The following ZBTB20 variants were observed in gnomAD, a reference collection of about 807,000 sequenced individuals.
ZBTB20 encodes zinc finger and BTB domain containing 20.
ZBTB20 carries 9 observed loss-of-function variants against 56.9 expected under a neutral mutation model. The ratio of observed to expected loss-of-function variants is 0.16; its 90% CI spans 0.10 to 0.28. ZBTB20 has a LOEUF of 0.28. Among genes scored for constraint, ZBTB20 ranks in the 10% least tolerant of loss-of-function variants. The probability of loss-of-function intolerance (pLI) is 1.00; values close to 1 mark genes in which losing one functional copy is unlikely to be tolerated. For missense variants in ZBTB20, 655 were observed against 1,003.0 expected, an observed-to-expected ratio of 0.65 and a Z score of 4.69; for synonymous variants, 417 against 420.7, an observed-to-expected ratio of 0.99 and a Z score of 0.11.
In ZBTB20 at chr3:114,804,092, C is replaced by T. The variant is rs183269775; in HGVS notation, c.-416-2918G>A. Among the ~76,000 whole-genome samples, 11 of 152,060 alleles carry T rather than the reference C, an allele frequency of 7.2e-5. No homozygotes were observed. The East Asian group carries it at 1.5e-3, about 21-fold the overall frequency. Reference sequence around the variant, plus strand: ...GGAAGAATGCTTCTCTGGCAGAGACCCTTTAGCAAAAGAGTTGTACATTCT... The same window carrying T: ...GGAAGAATGCTTCTCTGGCAGAGACTCTTTAGCAAAAGAGTTGTACATTCT... On this transcript the variant is annotated intron_variant, in intron 4 of 11. Transcript: ENST00000675478.
At chr3:114,505,820 G>A (rs1259932780) in intron 6 of ZBTB20, among the ~76,000 whole-genome samples, 2 of 152,040 alleles carry the variant, frequency 1.3e-5, no homozygotes, top group African/African-American at 4.8e-5. Context: ...TCAAAATTAA[G>A]TGCCTGTCAA....
intron 7 of ZBTB20, among the ~76,000 whole-genome samples, chr3:114,443,634 T>C (rs1265618917): frequency 6.6e-6 from 1 of 152,168 alleles, no homozygotes; most frequent in Non-Finnish European, 1.5e-5. Flanking sequence ...GTTCATTGCA[T>C]GAGAAGACAA....
intron 1 of ZBTB20, among the ~76,000 whole-genome samples, chr3:115,090,398 TTTTA>T (rs2083144402): frequency 6.6e-6 from 1 of 151,904 alleles, no homozygotes; most frequent in African/African-American, 2.4e-5. Flanking sequence ...TTCCCTCTAT[TTTTA>T]AATAAACATT....
chr3:114,875,144 G>C (rs932188057), intron 4 of ZBTB20, among the ~76,000 whole-genome samples: 1 of 151,976 alleles, frequency 6.6e-6, no homozygotes, highest in Non-Finnish European at 1.5e-5. Flanking sequence ...TGCTCTCCTC[G>C]TGTGCTTCAA....
At chr3:114,986,684 C>CAGAACTGTTGAAAACAGAAACAGTAG (rs1267469842) in intron 2 of ZBTB20, among the ~76,000 whole-genome samples, 3 of 152,066 alleles carry the variant, frequency 2.0e-5, no homozygotes, top group African/African-American at 7.2e-5. Flanking sequence ...TACACCTTTA[C>CAGAACTGTTGAAAACAGAAACAGTAG]CTGTTTCTGG....
At chr3:114,702,599 C>G (rs775513801) in intron 5 of ZBTB20, among the ~76,000 whole-genome samples, 3 of 151,888 alleles carry the variant, frequency 2.0e-5, no homozygotes, top group Non-Finnish European at 4.4e-5. Context: ...TATGTACATA[C>G]TTCCCTCAGA....
intron 6 of ZBTB20, among the ~76,000 whole-genome samples, chr3:114,615,057 G>A (rs942633920): frequency 1.3e-5 from 2 of 152,052 alleles, no homozygotes; most frequent in South Asian, 2.1e-4. Flanking sequence ...ATGAGCCACC[G>A]CGCCCAGCCT....
intron 6 of ZBTB20, among the ~76,000 whole-genome samples, chr3:114,625,467 C>T (rs1214425395): frequency 6.6e-6 from 1 of 152,130 alleles, no homozygotes; most frequent in African/African-American, 2.4e-5. Flanking sequence ...ATGCAAGGCA[C>T]TGCAGTTAAA....
chr3:114,574,742 A>G (rs1391374516), intron 6 of ZBTB20, among the ~76,000 whole-genome samples: 2 of 152,174 alleles, frequency 1.3e-5, no homozygotes, highest in Non-Finnish European at 2.9e-5. Context: ...GATGCCGAAC[A>G]GTTATTTTGA....
intron 3 of ZBTB20, among the ~76,000 whole-genome samples, chr3:114,925,614 C>T (rs2076126593): frequency 6.6e-6 from 1 of 152,122 alleles, no homozygotes; most frequent in South Asian, 2.1e-4. Flanking sequence ...GCAACCTCTG[C>T]CTCCTGGGTT....
At chr3:114,354,239 A>C (rs948672071) in intron 10 of ZBTB20, among the ~76,000 whole-genome samples, 2 of 152,242 alleles carry the variant, frequency 1.3e-5, no homozygotes, top group African/African-American at 2.4e-5. Context: ...TACTATAACC[A>C]AGGTCTCTTT....
chr3:114,787,368 TACACACACACACACACACACACAC>T (rs1300106922), intron 5 of ZBTB20, among the ~76,000 whole-genome samples: 20 of 106,204 alleles, frequency 1.9e-4, no homozygotes, highest in South Asian at 2.7e-4. Flanking sequence ...TATATATATA[TACACACACACACACACACACACAC>T]ATATATATAC....
At chr3:114,506,155 C>T (rs941283416) in intron 6 of ZBTB20, among the ~76,000 whole-genome samples, 2 of 152,000 alleles carry the variant, frequency 1.3e-5, no homozygotes, top group Non-Finnish European at 2.9e-5. Context: ...CTTTCCAAAA[C>T]GCATATTATT....
intron 1 of ZBTB20, among the ~76,000 whole-genome samples, chr3:115,142,114 G>A (rs2084827614): frequency 6.6e-6 from 1 of 152,120 alleles, no homozygotes; most frequent in East Asian, 1.9e-4. Context: ...GCTATCCATA[G>A]GAAAGTTTTG....
At chr3:114,493,324 G>T (rs755753942) in intron 7 of ZBTB20, among the ~76,000 whole-genome samples, 8 of 152,170 alleles carry the variant, frequency 5.3e-5, no homozygotes, top group South Asian at 2.1e-4. Context: ...AAATAAAGCT[G>T]CTATGTACAT....
intron 6 of ZBTB20, among the ~76,000 whole-genome samples, chr3:114,512,482 C>T (rs1045002628): frequency 2.0e-5 from 3 of 152,086 alleles, no homozygotes; most frequent in East Asian, 1.9e-4. Context: ...TATTAGCCCA[C>T]TTTAGACAAG....
At chr3:114,357,176 A>C (rs1261667930) in intron 10 of ZBTB20, 1 of 152,186 alleles carries the variant, frequency 6.6e-6, no homozygotes, top group Non-Finnish European at 1.5e-5. Context: ...AGATTGTCTA[A>C]GCCCAGTGTG....
chr3:114,985,796 C>A (rs1470358375), intron 2 of ZBTB20, among the ~76,000 whole-genome samples: 5 of 152,094 alleles, frequency 3.3e-5, no homozygotes, highest in African/African-American at 1.2e-4. Context: ...AATGCCTCTA[C>A]AGGTGAAAAC....
At chr3:114,493,901 C>T (rs2043007319) in intron 7 of ZBTB20, among the ~76,000 whole-genome samples, 2 of 152,132 alleles carry the variant, frequency 1.3e-5, no homozygotes, top group Admixed American at 6.5e-5. Context: ...ATTATATATA[C>T]CTTTAGTATT....
Sources: gnomAD v4.1 joint callset for allele counts (sites outside exome capture counted in the v4.1 genomes callset) on GRCh38, gnomAD v4.1.1 for gene constraint, MANE v1.5 for transcripts, NCBI Gene and HGNC (gene_info 2026-07-23, HGNC 2026-07-21) for gene names.